Variants in DYNC2H1 observed in about 807,000 individuals in gnomAD.
DYNC2H1 encodes the protein dynein cytoplasmic 2 heavy chain 1, also known as cytoplasmic dynein 2 heavy chain 1.
DYNC2H1 carries 410 observed loss-of-function variants against 570.0 expected under a neutral mutation model. The observed-to-expected ratio is 0.72, with a 90% confidence interval of 0.66 to 0.78. DYNC2H1 has a LOEUF of 0.78. Among genes scored for constraint, DYNC2H1 ranks in the 30% least tolerant of loss-of-function variants. The pLI, the probability that DYNC2H1 is intolerant of heterozygous loss-of-function variation, is 0.00. For synonymous variants in DYNC2H1, 1,688 were observed against 1,677.6 expected (o/e 1.01, Z -0.15); for missense variants, 4,865 against 5,046.4 (o/e 0.96, Z 1.09).
chr11:103,380,562 AT>A (rs575131955), intron 83 of DYNC2H1, among the ~76,000 whole-genome samples: 1 of 151,440 alleles, frequency 6.6e-6, no homozygotes, highest in African/African-American at 2.4e-5. Context: ...GTGATGAGGA[AT>A]TTTTTTTGTT....
intron 79 of DYNC2H1, among the ~76,000 whole-genome samples, chr11:103,313,026 T>A (rs1308350545): frequency 1.3e-5 from 2 of 152,248 alleles, no homozygotes; most frequent in Admixed American, 1.3e-4. Context: ...CTGTACTACT[T>A]TCTGAATTTG....
At chr11:103,442,361 CA>C (rs1267083225) in intron 85 of DYNC2H1, among the ~76,000 whole-genome samples, 1 of 151,912 alleles carries the variant, frequency 6.6e-6, no homozygotes, top group Non-Finnish European at 1.5e-5. Context: ...AATATATGGC[CA>C]AGCTTTAAGT....
Position 103,135,475 on chromosome 11 carries a change from A to G in DYNC2H1, c.2206-20A>G, listed in dbSNP as rs2134779227. ...CTACTGCCTAATTTTTAAATTAAAAATGTGAATGTAACATATTAGGGATTC... is the reference window on the plus strand; with the variant it reads ...CTACTGCCTAATTTTTAAATTAAAAGTGTGAATGTAACATATTAGGGATTC... On this transcript the variant is annotated intron_variant, in intron 15 of 88. Transcript: ENST00000375735. 2.7e-6 allele frequency: 4 copies of G among 1,470,968 alleles called. No individual in the cohort carries two copies. In the East Asian group the frequency reaches 9.6e-5, roughly 35 times the overall value. 91.1% of individuals were successfully genotyped at this position (1,470,968 alleles called of 1,614,324 possible).
At chr11:103,152,668 A>C (rs1302420072) in intron 21 of DYNC2H1, among the ~76,000 whole-genome samples, 3 of 152,190 alleles carry the variant, frequency 2.0e-5, no homozygotes, top group African/African-American at 7.2e-5. Context: ...TCTGTCTCAC[A>C]TTAGACTATA....
intron 29 of DYNC2H1, among the ~76,000 whole-genome samples, chr11:103,162,362 A>G (rs1281412581): frequency 2.0e-5 from 3 of 152,170 alleles, no homozygotes; most frequent in Admixed American, 2.0e-4. Flanking sequence ...TTGCCTTTTT[A>G]TTACAAATGA....
chr11:103,394,973 T>C (rs1328356784), intron 83 of DYNC2H1, among the ~76,000 whole-genome samples: 1 of 152,022 alleles, frequency 6.6e-6, no homozygotes, highest in Admixed American at 6.6e-5. Context: ...TCTTTCCTTT[T>C]TTATTCCCTT....
At chr11:103,219,371 T>TG (rs369070379) in intron 55 of DYNC2H1, among the ~76,000 whole-genome samples, 1 of 151,752 alleles carries the variant, frequency 6.6e-6, no homozygotes, top group African/African-American at 2.4e-5. Flanking sequence ...CCCAGCATTT[T>TG]GGGAGGCTGA....
intron 52 of DYNC2H1, among the ~76,000 whole-genome samples, chr11:103,208,900 G>A (rs1863040570): frequency 6.6e-6 from 1 of 152,074 alleles, no homozygotes; most frequent in South Asian, 2.1e-4. Flanking sequence ...AGCACACTTT[G>A]CTAATGTAGG....
At chr11:103,216,090 C>T (rs1399508813) in intron 55 of DYNC2H1, among the ~76,000 whole-genome samples, 1 of 152,016 alleles carries the variant, frequency 6.6e-6, no homozygotes, top group Non-Finnish European at 1.5e-5. Flanking sequence ...TATGTAAACT[C>T]TTTTTATATT....
At chr11:103,450,190 G>T (rs764525063) in intron 85 of DYNC2H1, among the ~76,000 whole-genome samples, 71 of 152,090 alleles carry the variant, frequency 4.7e-4, no homozygotes, top group Non-Finnish European at 8.1e-4. Context: ...CCTAATAACA[G>T]AGTTTGAAAA....
At position 103,118,409 on chromosome 11, in the gene DYNC2H1, A is replaced by T. The variant is rs149108618; in HGVS notation, c.999+546A>T. Among the ~76,000 whole-genome samples the T allele has an allele frequency of 3.0e-3, 452 of 152,234 alleles. 10 individuals carry two copies. Among genetic ancestry groups the T allele is most frequent in the East Asian group, 0.024 (122 of 5,190 alleles). ...AAATGAAATATTTCAAACATATTAA[A>T]AAGTAAAATAGTATAATGAATGTCC... is the stretch of plus-strand genomic sequence containing the variant. On this transcript the variant is annotated intron_variant, in intron 6 of 88. Coordinates refer to ENST00000375735, the MANE Select transcript of DYNC2H1 (RefSeq NM_001377.3).
intron 75 of DYNC2H1, among the ~76,000 whole-genome samples, chr11:103,288,739 G>A (rs992667281): frequency 1.4e-5 from 2 of 145,096 alleles, no homozygotes; most frequent in African/African-American, 5.1e-5. Context: ...AGATTAGCCA[G>A]GCATGGTGGC....
Position 103,358,228 on chromosome 11 carries a change from TA to T in DYNC2H1, c.12040-14del. On this transcript the variant is annotated splice_polypyrimidine_tract_variant and intron_variant, in intron 82 of 88. Transcript: ENST00000375735. The stretch of plus-strand genomic sequence containing the variant: ...GTTCTTTTTATTTGTTGATACTTAT[TA>T]TTTTTTTATTCAGGTTATTTCACAG... 1.4e-6 allele frequency: 2 copies of T among 1,452,908 alleles called. No individual in the cohort carries two copies. The highest frequency in any genetic ancestry group is 2.1e-5 in the Admixed American group (1 of 47,346). 90.0% of individuals were successfully genotyped at this position (1,452,908 alleles called of 1,614,324 possible).
chr11:103,146,694 C>G (rs1449722998), intron 18 of DYNC2H1, among the ~76,000 whole-genome samples: 3 of 150,786 alleles, frequency 2.0e-5, no homozygotes, highest in African/African-American at 7.3e-5. Context: ...CCCCTGCCTT[C>G]TGGGTTCAAG....
Position 103,468,688 on chromosome 11 carries a change from A to C in DYNC2H1, c.12748A>C (p.Met4250Leu), listed in dbSNP as rs1945273828. 1 of 1,612,438 alleles carries C rather than the reference A, an allele frequency of 6.2e-7. No homozygotes were observed. The highest frequency in any genetic ancestry group is 8.5e-7 in the Non-Finnish European group (1 of 1,178,970). ...CGTGTCATCAGTGCTCCCTTGTTTT[A>C]TGGGCTGGATTCCACAGGTAATACA... is the stretch of plus-strand genomic sequence containing the variant. The part of the protein sequence containing the change: ...PSVSSVLPCF[M>L]GWIPQDACGP... Residue 4250 changes from methionine to leucine, a missense_variant, in exon 88 of 89, where the codon ATG (methionine) becomes CTG (leucine). By Grantham distance (15) the Met-to-Leu change is conservative. Coordinates refer to ENST00000375735, the MANE Select transcript of DYNC2H1 (RefSeq NM_001377.3).
At chr11:103,463,852 T>G (rs772028187) in intron 87 of DYNC2H1, among the ~76,000 whole-genome samples, 1 of 152,092 alleles carries the variant, frequency 6.6e-6, no homozygotes, top group Non-Finnish European at 1.5e-5. Context: ...GACAAAGAAA[T>G]AGCCTGACTC....
chr11:103,167,014 T>TGTG (rs1861343431), intron 31 of DYNC2H1, among the ~76,000 whole-genome samples: 5 of 109,414 alleles, frequency 4.6e-5, no homozygotes, highest in African/African-American at 1.6e-4. Flanking sequence ...TTTTTTTTGA[T>TGTG]TTTTCCTCTT....
At chr11:103,178,924 T>A in intron 38 of DYNC2H1, 102 bp from the exon 39 acceptor site, 1 of 1,199,788 alleles carries the variant, frequency 8.3e-7, no homozygotes, top group Non-Finnish European at 1.1e-6. Context: ...ATATTTGTAG[T>A]ACAAATTCAT....
intron 82 of DYNC2H1, among the ~76,000 whole-genome samples, chr11:103,331,215 G>C (rs1197049610): frequency 6.6e-6 from 1 of 152,200 alleles, no homozygotes; most frequent in African/African-American, 2.4e-5. Flanking sequence ...ATTCTTAATA[G>C]TTAATACATT....
Sources: gnomAD v4.1 joint callset for allele counts (sites outside exome capture counted in the v4.1 genomes callset) on GRCh38, gnomAD v4.1.1 for gene constraint, MANE v1.5 for transcripts, NCBI Gene and HGNC (gene_info 2026-07-23, HGNC 2026-07-21) for gene names.